The following CIBAR2 variants were observed in gnomAD, a reference collection of about 807,000 sequenced individuals.
The protein encoded by CIBAR2 is CBY1-interacting BAR domain-containing protein 2.
Under a neutral mutation model 36.2 loss-of-function variants are expected in CIBAR2, and 38 were observed. The ratio of observed to expected loss-of-function variants is 1.05; its 90% CI spans 0.81 to 1.38. The LOEUF is 1.38. Ranked by LOEUF, CIBAR2 falls within the 40% of genes most tolerant of loss-of-function variation. The pLI is 0.00. For synonymous variants in CIBAR2, 182 were observed against 149.5 expected (o/e 1.22, Z -1.58); for missense variants, 481 against 383.4 (o/e 1.25, Z -2.13).
intron 7 of CIBAR2, among the ~76,000 whole-genome samples, chr16:85,100,691 T>C (rs560378793): frequency 6.6e-6 from 1 of 152,296 alleles, no homozygotes; most frequent in African/African-American, 2.4e-5. Flanking sequence ...GCCTCAGAGA[T>C]TCACTTCTAA....
chr16:85,111,418 C>T (rs921752158), intron 1 of CIBAR2, among the ~76,000 whole-genome samples: 2 of 152,212 alleles, frequency 1.3e-5, no homozygotes, highest in African/African-American at 4.8e-5. Flanking sequence ...AGCCTCTGTT[C>T]CCGCAGGTAG....
At chr16:85,110,131 TG>T in intron 2 of CIBAR2, 94 bp downstream of exon 2, 1 of 905,232 alleles carries the variant, frequency 1.1e-6, no homozygotes, top group Non-Finnish European at 1.7e-6. Flanking sequence ...CCATTGGCTG[TG>T]GCCACAGCAG....
In CIBAR2 at chr16:85,102,329, T is replaced by A. The variant is rs532079487; in HGVS notation, c.538-2A>T. ...AGTTACAAAGTCACAAAAAAATTTC[T>A]GTGGGGAGAGAAACCCAAAGAATGT... is the stretch of plus-strand genomic sequence containing the variant. On this transcript the variant is annotated splice_acceptor_variant, in intron 6 of 8. Coordinates refer to ENST00000539556, the MANE Select transcript of CIBAR2 (RefSeq NM_198491.3). LOFTEE classifies it high-confidence loss of function. The A allele has an allele frequency of 7.6e-6, 12 of 1,582,480 alleles. No individual in the cohort carries two copies. The East Asian group carries it at 2.2e-4, about 29-fold the overall frequency.
intron 1 of CIBAR2, 71 bp downstream of exon 1, chr16:85,112,262 T>C (rs1195559658): frequency 9.8e-6 from 14 of 1,428,232 alleles, no homozygotes; most frequent in Non-Finnish European, 1.3e-5. Context: ...GCCCTCATCT[T>C]TGTTGGTGCC....
chr16:85,112,394 A>G lies in CIBAR2; in HGVS notation c.-42T>C, dbSNP rs1240113234. On this transcript the variant is annotated 5_prime_UTR_variant, in exon 1 of 9. Transcript: ENST00000539556. ...GCTGTCCCGGTGCTGGGGAATAAGG[A>G]CAGGGCCCCAGGGGTCCTGCAGGCC... is the stretch of plus-strand genomic sequence containing the variant. The G allele has an allele frequency of 2.5e-6, 4 of 1,607,448 alleles. No individual in the cohort carries two copies. Among genetic ancestry groups the G allele is most frequent in the Non-Finnish European group, 3.4e-6 (4 of 1,174,134 alleles).
At chr16:85,099,422 A>C (rs1597662972) in intron 8 of CIBAR2, 76 bp from the exon 9 acceptor site, 1 of 825,820 alleles carries the variant, frequency 1.2e-6, no homozygotes, top group Non-Finnish European at 2.0e-6. Context: ...GTACCTAATC[A>C]CCTCCCTAAC....
intron 7 of CIBAR2, among the ~76,000 whole-genome samples, chr16:85,101,464 C>T (rs2073954704): frequency 1.3e-5 from 2 of 152,040 alleles, no homozygotes; most frequent in Admixed American, 6.6e-5. Context: ...CCCCATCAAC[C>T]CCAGACCCAC....
At position 85,108,010 on chromosome 16, in the gene CIBAR2, C is replaced by T. The variant is rs773226212; in HGVS notation, c.324+21G>A. The T allele has an allele frequency of 2.5e-6, 4 of 1,613,892 alleles. No homozygotes were observed. In the East Asian group the frequency reaches 6.7e-5, roughly 27 times the overall value. On this transcript the variant is annotated intron_variant, in intron 3 of 8. Coordinates refer to ENST00000539556, the MANE Select transcript of CIBAR2 (RefSeq NM_198491.3). ...CAGGGCAAGACAGGGATGCCACCCA[C>T]ACCGAGGTGCCCCGGCTCACCCGTG...
chr16:85,110,070 C>A (rs2074028301), intron 2 of CIBAR2, among the ~76,000 whole-genome samples, 156 bp downstream of exon 2: 1 of 152,182 alleles, frequency 6.6e-6, no homozygotes, highest in Admixed American at 6.5e-5. Flanking sequence ...GAGGTGTGAC[C>A]CTGGAAAGGG....
At chr16:85,104,191 A>G (rs2073977209) in intron 6 of CIBAR2, among the ~76,000 whole-genome samples, 1 of 152,228 alleles carries the variant, frequency 6.6e-6, no homozygotes, top group African/African-American at 2.4e-5. Flanking sequence ...AAGCCGAAGG[A>G]GAAGGAGGCA....
At position 85,110,348 on chromosome 16, in the gene CIBAR2, T is replaced by G. The variant is rs1284716123; in HGVS notation, c.133A>C (p.Lys45Gln). ...YTRKTARLRD[K>Q]ADQLVKQLID... ...AGCTGCTTGACCAGCTGGTCCGCCT[T>G]GTCCCGCAGCCGGGCCGTCTTGCGC... The change falls in exon 2 of 9, where the codon AAG becomes CAG. Residue 45 changes from lysine to glutamine, a missense_variant. By Grantham distance (53) the Lys-to-Gln change is moderately conservative (BLOSUM62 1). Coordinates refer to ENST00000539556, the MANE Select transcript of CIBAR2 (RefSeq NM_198491.3). 1 of 1,613,328 alleles carries G rather than the reference T, an allele frequency of 6.2e-7. No homozygotes were observed. Among genetic ancestry groups the G allele is most frequent in the Non-Finnish European group, 8.5e-7 (1 of 1,179,782 alleles).
In CIBAR2 at chr16:85,107,655, T is replaced by G; in HGVS notation, c.432+12A>C. 1.2e-6 allele frequency: 2 copies of G among 1,613,604 alleles called. No individual in the cohort carries two copies. Among genetic ancestry groups the G allele is most frequent in the Non-Finnish European group, 8.5e-7 (1 of 1,179,744 alleles). On this transcript the variant is annotated intron_variant, in intron 5 of 8. Transcript: ENST00000539556. ...TGATTCTGCCTGCCCCAGACAGACA[T>G]GTGACACTCACCTGGGACTGAAAAA...
At chr16:85,103,146 G>A (rs1043425433) in intron 6 of CIBAR2, among the ~76,000 whole-genome samples, 1 of 152,086 alleles carries the variant, frequency 6.6e-6, no homozygotes, top group Non-Finnish European at 1.5e-5. Context: ...CAAGTGATCC[G>A]CAGGAGGGCT....
intron 6 of CIBAR2, among the ~76,000 whole-genome samples, chr16:85,102,661 T>G (rs932968223): frequency 2.0e-5 from 3 of 152,012 alleles, no homozygotes; most frequent in African/African-American, 7.3e-5. Context: ...AGTACATAAG[T>G]AAATAAATAA....
Position 85,098,463 on chromosome 16 carries a change from A to C in CIBAR2, c.*722T>G. 1.1e-6 allele frequency: 1 copy of C among 923,638 alleles called. No homozygotes were observed. The highest frequency in any genetic ancestry group is 1.3e-6 in the Non-Finnish European group (1 of 773,174). 57.2% of individuals were successfully genotyped at this position (923,638 alleles called of 1,614,324 possible). A position where few individuals can be genotyped will look rare whatever the true frequency, so the allele number is the denominator to read the frequency against. On this transcript the variant is annotated 3_prime_UTR_variant, in exon 9 of 9. Coordinates refer to ENST00000539556, the MANE Select transcript of CIBAR2 (RefSeq NM_198491.3). Reference sequence around the variant, plus strand: ...TATTGGCCCTGTTGTACAGATGAGGAAACTGAGGCTCAGAGGACACGTGGC... The same window carrying C: ...TATTGGCCCTGTTGTACAGATGAGGCAACTGAGGCTCAGAGGACACGTGGC...
chr16:85,112,266 T>A, intron 1 of CIBAR2, 67 bp downstream of exon 1: 23 of 1,488,472 alleles, frequency 1.5e-5, no homozygotes, highest in Non-Finnish European at 2.1e-5. Flanking sequence ...TCATCTTTGT[T>A]GGTGCCCCGG....
At chr16:85,105,249 CAG>C (rs2073986275) in intron 6 of CIBAR2, 76 bp downstream of exon 6, 1 of 845,634 alleles carries the variant, frequency 1.2e-6, no homozygotes, top group Non-Finnish European at 2.0e-6. Flanking sequence ...AGCATGCACA[CAG>C]ACACGTGTAC....
chr16:85,111,029 A>G (rs1437034364), intron 1 of CIBAR2, among the ~76,000 whole-genome samples: 1 of 151,932 alleles, frequency 6.6e-6, no homozygotes, highest in Non-Finnish European at 1.5e-5. Flanking sequence ...AGGGCTCCCA[A>G]TCCGGCGCCC....
chr16:85,110,946 C>A (rs546717626), intron 1 of CIBAR2, among the ~76,000 whole-genome samples: 65 of 152,226 alleles, frequency 4.3e-4, no homozygotes, highest in African/African-American at 1.6e-3. Context: ...CTCAGGTGAT[C>A]TGCCTGCCTT....
Sources: allele counts gnomAD v4.1 joint callset (sites outside exome capture counted in the v4.1 genomes callset), GRCh38; gene constraint gnomAD v4.1.1; transcripts MANE v1.5; gene names NCBI Gene and HGNC (gene_info 2026-07-23, HGNC 2026-07-21).